The following CNTNAP4 variants were observed in gnomAD, a reference collection of about 807,000 sequenced individuals.
CNTNAP4 encodes contactin associated protein family member 4, also known as contactin-associated protein-like 4.
In CNTNAP4, 98 loss-of-function variants were observed where a neutral mutation model predicts 148.4. The ratio of observed to expected loss-of-function variants is 0.66; its 90% CI spans 0.56 to 0.78. The LOEUF (loss-of-function observed/expected upper bound fraction) is 0.78. Among genes scored for constraint, CNTNAP4 ranks in the 30% least tolerant of loss-of-function variants. CNTNAP4 has a pLI of 0.00. For synonymous variants in CNTNAP4, 730 were observed against 565.1 expected, an observed-to-expected ratio of 1.29 and a Z score of -4.14; for missense variants, 1,935 against 1,565.6, an observed-to-expected ratio of 1.24 and a Z score of -3.98.
intron 21 of CNTNAP4, among the ~76,000 whole-genome samples, chr16:76,549,076 A>T (rs1476046670): frequency 6.6e-6 from 1 of 151,918 alleles, no homozygotes; most frequent in Admixed American, 6.6e-5. Flanking sequence ...AGGCAGGGGG[A>T]TCCTGGAGGG....
intron 3 of CNTNAP4, among the ~76,000 whole-genome samples, chr16:76,419,819 T>A (rs1399670173): frequency 6.6e-6 from 1 of 152,056 alleles, no homozygotes; most frequent in Non-Finnish European, 1.5e-5. Context: ...TATTTGTGGT[T>A]TGCAGATGGC....
Position 76,489,870 on chromosome 16 carries a change from G to C in CNTNAP4, c.2067G>C (p.Leu689=). The change falls in exon 13 of 24, where the codon CTG becomes CTC. Residue 689 remains leucine, a synonymous_variant. Coordinates refer to ENST00000611870, the MANE Select transcript of CNTNAP4 (RefSeq NM_033401.5). ...EFTYYCKKSR[L]VNKQDGTPLS... ...CTTATTACTGCAAGAAGTCACGGCT[G>C]GTCAATAAGCAAGGTAAGTAAACCA... 2 of 1,552,870 alleles carry C rather than the reference G, an allele frequency of 1.3e-6. No individual in the cohort carries two copies. Among genetic ancestry groups the C allele is most frequent in the Non-Finnish European group, 1.8e-6 (2 of 1,140,632 alleles).
intron 3 of CNTNAP4, among the ~76,000 whole-genome samples, chr16:76,413,508 C>T (rs76380365): frequency 2.6e-5 from 4 of 150,986 alleles, no homozygotes; most frequent in African/African-American, 7.3e-5. Context: ...GTTTGAAGAA[C>T]CTGCCAATAA....
chr16:76,551,480 AAAAT>A (rs1184251419), intron 21 of CNTNAP4, among the ~76,000 whole-genome samples: 27 of 151,880 alleles, frequency 1.8e-4, no homozygotes, highest in African/African-American at 5.3e-4. Flanking sequence ...GATGATTTAA[AAAAT>A]AAATAAATAA....
At chr16:76,323,722 C>T (rs538552244) in intron 2 of CNTNAP4, among the ~76,000 whole-genome samples, 1 of 152,224 alleles carries the variant, frequency 6.6e-6, no homozygotes, top group Non-Finnish European at 1.5e-5. Context: ...TCCCTGCCAG[C>T]GTCTTGGTGC....
chr16:76,396,862 G>A (rs999778674), intron 3 of CNTNAP4, among the ~76,000 whole-genome samples: 6 of 152,114 alleles, frequency 3.9e-5, no homozygotes, highest in African/African-American at 1.4e-4. Flanking sequence ...CTTGCCTATG[G>A]CCACACAGAA....
rs149894467 is a variant in CNTNAP4, at chr16:76,313,252, A to C, written c.86-3161A>C. On this transcript the variant is annotated intron_variant, in intron 1 of 23. Transcript: ENST00000611870. Reference sequence around the variant, plus strand: ...AGAGTGGTTGTACCAGAGAGGCATTACATCCAAAACATCGATCTGAATCTA... The same window carrying C: ...AGAGTGGTTGTACCAGAGAGGCATTCCATCCAAAACATCGATCTGAATCTA... 1.3e-4 allele frequency among the ~76,000 whole-genome samples: 20 copies of C among 152,364 alleles called. No individual in the cohort carries two copies. In the East Asian group the frequency reaches 3.9e-3, roughly 29 times the overall value.
intron 9 of CNTNAP4, 149 bp from the exon 10 acceptor site, chr16:76,467,203 T>G: frequency 1.5e-6 from 1 of 656,476 alleles, no homozygotes. Flanking sequence ...GTAATTTAGA[T>G]CAAACTAATA....
At chr16:76,375,383 C>G (rs2015316812) in intron 3 of CNTNAP4, among the ~76,000 whole-genome samples, 2 of 152,154 alleles carry the variant, frequency 1.3e-5, no homozygotes, top group African/African-American at 4.8e-5. Flanking sequence ...GATCACGACA[C>G]TGCACTCCAG....
At chr16:76,478,562 C>T (rs1384064439) in intron 11 of CNTNAP4, among the ~76,000 whole-genome samples, 2 of 152,142 alleles carry the variant, frequency 1.3e-5, no homozygotes, top group Non-Finnish European at 2.9e-5. Flanking sequence ...GACAAATATT[C>T]AGGGGATTAT....
intron 1 of CNTNAP4, among the ~76,000 whole-genome samples, chr16:76,313,887 A>C (rs955530873): frequency 6.6e-6 from 1 of 152,182 alleles, no homozygotes; most frequent in Non-Finnish European, 1.5e-5. Flanking sequence ...GTATATGTTA[A>C]AAACTAAATA....
In CNTNAP4 at chr16:76,501,102, G is replaced by A. The variant is rs60107023; in HGVS notation, c.2365+2408G>A. Among the ~76,000 whole-genome samples, 2,892 of 152,204 alleles carry A rather than the reference G, an allele frequency of 0.019. 168 individuals are homozygous for A. In the East Asian group the frequency reaches 0.22, roughly 11 times the overall value. The stretch of plus-strand genomic sequence containing the variant: ...AAATTATATATACATTGTAAATACT[G>A]TTTACCATTATACTCACCATCTCTG... On this transcript the variant is annotated intron_variant, in intron 15 of 23. Coordinates refer to ENST00000611870, the MANE Select transcript of CNTNAP4 (RefSeq NM_033401.5).
At chr16:76,339,158 A>G (rs1025913353) in intron 2 of CNTNAP4, among the ~76,000 whole-genome samples, 2 of 151,306 alleles carry the variant, frequency 1.3e-5, no homozygotes, top group Admixed American at 6.7e-5. Context: ...TTTGCTATGA[A>G]AGGTGGCATT....
intron 3 of CNTNAP4, among the ~76,000 whole-genome samples, chr16:76,364,318 T>C (rs2013842488): frequency 6.7e-6 from 1 of 150,016 alleles, no homozygotes. Context: ...CAATGTGAGA[T>C]AAATTGTGAT....
At chr16:76,455,726 G>T (rs2080703021) in intron 8 of CNTNAP4, among the ~76,000 whole-genome samples, 2 of 152,158 alleles carry the variant, frequency 1.3e-5, no homozygotes, top group South Asian at 4.1e-4. Context: ...ACACCCTTTG[G>T]TTTTTCCCTG....
chr16:76,520,442 CA>C (rs961001353), intron 15 of CNTNAP4, among the ~76,000 whole-genome samples: 7 of 152,110 alleles, frequency 4.6e-5, no homozygotes, highest in African/African-American at 1.7e-4. Context: ...CCAACCTTTT[CA>C]ACATTTTCTG....
At chr16:76,346,367 C>T (rs1964900064) in intron 2 of CNTNAP4, among the ~76,000 whole-genome samples, 1 of 147,090 alleles carries the variant, frequency 6.8e-6, no homozygotes, top group African/African-American at 2.5e-5. Flanking sequence ...TTTGTTGACC[C>T]AGAAGGAGTG....
chr16:76,427,647 G>C (rs759056212), intron 4 of CNTNAP4, 48 bp downstream of exon 4: 1 of 1,485,410 alleles, frequency 6.7e-7, no homozygotes, highest in African/African-American at 1.4e-5. Context: ...CAAAAGAGAT[G>C]TTTTAAAAGC....
At chr16:76,439,296 A>G (rs1196194876) in intron 4 of CNTNAP4, among the ~76,000 whole-genome samples, 1 of 152,142 alleles carries the variant, frequency 6.6e-6, no homozygotes, top group Admixed American at 6.6e-5. Flanking sequence ...TAGTTGATCA[A>G]AAGAGAGATA....
Sources: gnomAD v4.1 joint callset for allele counts (sites outside exome capture counted in the v4.1 genomes callset) on GRCh38, gnomAD v4.1.1 for gene constraint, MANE v1.5 for transcripts, NCBI Gene and HGNC (gene_info 2026-07-23, HGNC 2026-07-21) for gene names.